The following TTC29 variants were observed in gnomAD, a reference collection of about 807,000 sequenced individuals.
The protein encoded by TTC29 is tetratricopeptide repeat domain 29.
TTC29 carries 49 observed loss-of-function variants against 58.1 expected under a neutral mutation model. The ratio of observed to expected loss-of-function variants is 0.84; its 90% CI spans 0.67 to 1.07. The LOEUF (loss-of-function observed/expected upper bound fraction) is 1.07. Ranked by LOEUF, TTC29 falls within the 50% of genes least tolerant of loss-of-function variation. The probability of loss-of-function intolerance (pLI) is 0.00; values close to 1 mark genes in which losing one functional copy is unlikely to be tolerated. For synonymous variants in TTC29, 209 were observed against 196.8 expected (o/e 1.06, Z -0.52); for missense variants, 582 against 555.6 (o/e 1.05, Z -0.48).
At chr4:146,830,351 A>T (rs1297655278) in intron 9 of TTC29, among the ~76,000 whole-genome samples, 2 of 152,168 alleles carry the variant, frequency 1.3e-5, no homozygotes, top group Non-Finnish European at 2.9e-5. Context: ...CTGTATTACC[A>T]AATCCTCAGT....
intron 11 of TTC29, among the ~76,000 whole-genome samples, chr4:146,739,059 A>G (rs1390806438): frequency 2.0e-5 from 3 of 152,246 alleles, no homozygotes. Context: ...AAATTTGTTT[A>G]GAAAATATAA....
chr4:146,815,066 T>TG (rs1355675583), intron 10 of TTC29, among the ~76,000 whole-genome samples: 1 of 152,114 alleles, frequency 6.6e-6, no homozygotes, highest in East Asian at 1.9e-4. Flanking sequence ...CTCAGAAGAA[T>TG]GAGAAGTAAT....
At chr4:146,715,829 G>T (rs530167709) in intron 11 of TTC29, among the ~76,000 whole-genome samples, 29 of 152,206 alleles carry the variant, frequency 1.9e-4, no homozygotes, top group Admixed American at 3.9e-4. Context: ...TAATTACCCT[G>T]ATTTGATCAT....
rs973455790 is a variant in TTC29 at position 146,932,073 on chromosome 4, G to A, written c.176+5521C>T. ...TGGCAAAACGATCTTTTCATTCCTGGTTTCACATCCTAGAGATCTGATCTC... is the reference window on the plus strand; with the variant it reads ...TGGCAAAACGATCTTTTCATTCCTGATTTCACATCCTAGAGATCTGATCTC... On this transcript the variant is annotated intron_variant, in intron 4 of 12. Transcript: ENST00000325106. 1.1e-4 allele frequency among the ~76,000 whole-genome samples: 16 copies of A among 150,166 alleles called. No homozygotes were observed. In the East Asian group the frequency reaches 1.4e-3, roughly 13 times the overall value.
chr4:146,830,714 T>C (rs1227787472), intron 9 of TTC29, among the ~76,000 whole-genome samples: 1 of 152,164 alleles, frequency 6.6e-6, no homozygotes, highest in Non-Finnish European at 1.5e-5. Flanking sequence ...GCTACTAACC[T>C]GAGAAGGACA....
intron 8 of TTC29, among the ~76,000 whole-genome samples, chr4:146,853,971 T>A (rs1446648433): frequency 6.6e-6 from 1 of 152,008 alleles, no homozygotes; most frequent in Non-Finnish European, 1.5e-5. Context: ...AATTTTAGTG[T>A]CCCTGGAAGC....
intron 11 of TTC29, among the ~76,000 whole-genome samples, chr4:146,752,350 T>C (rs1333735087): frequency 4.5e-4 from 20 of 43,986 alleles, no homozygotes; most frequent in Admixed American, 9.6e-4. Context: ...ACAAGGGATG[T>C]GAAGGACCTC....
intron 11 of TTC29, among the ~76,000 whole-genome samples, chr4:146,726,682 C>T (rs1049643208): frequency 6.6e-6 from 1 of 152,144 alleles, no homozygotes; most frequent in Non-Finnish European, 1.5e-5. Flanking sequence ...TTACTGATGA[C>T]TTTATGAAGC....
At chr4:146,943,395 G>A (rs901604796) in intron 2 of TTC29, among the ~76,000 whole-genome samples, 1 of 151,350 alleles carries the variant, frequency 6.6e-6, no homozygotes, top group Non-Finnish European at 1.5e-5. Context: ...GAATGATAAA[G>A]TGGAAAAAAA....
intron 11 of TTC29, among the ~76,000 whole-genome samples, chr4:146,736,873 G>A (rs758459534): frequency 1.2e-4 from 19 of 152,136 alleles, no homozygotes; most frequent in Non-Finnish European, 2.8e-4. Flanking sequence ...TCACAAGCAG[G>A]GAGCCTCTGG....
rs764105160 is a variant in TTC29, at chr4:146,903,636, C to T, written c.494G>A (p.Arg165Gln). ...DKWVRNHFYERCFKIAQLIKI... is the reference protein window; with the variant it reads ...DKWVRNHFYEQCFKIAQLIKI... ...GATCAGCTGAGCAATCTTAAAACAT[C>T]GTTCATAGAAGTGGTTCCTTACCCA... is the stretch of plus-strand genomic sequence containing the variant. Residue 165 changes from arginine to glutamine, a missense_variant, in exon 6 of 13, where the codon CGA (arginine) becomes CAA (glutamine). Physicochemically the swap from Arg to Gln is conservative, Grantham distance 43. Transcript: ENST00000325106. The T allele has an allele frequency of 6.2e-6, 10 of 1,612,818 alleles. No individual in the cohort carries two copies. Among genetic ancestry groups the T allele is most frequent in the Admixed American group, 3.3e-5 (2 of 59,870 alleles).
intron 8 of TTC29, among the ~76,000 whole-genome samples, chr4:146,865,622 A>G (rs942498806): frequency 6.6e-6 from 1 of 152,178 alleles, no homozygotes; most frequent in African/African-American, 2.4e-5. Context: ...ACATACTCAG[A>G]TAACAAATCT....
intron 11 of TTC29, among the ~76,000 whole-genome samples, chr4:146,785,880 T>C (rs907484213): frequency 7.9e-5 from 12 of 152,196 alleles, no homozygotes; most frequent in Admixed American, 3.9e-4. Flanking sequence ...TTTGAACAGT[T>C]AACTAAAGGT....
At chr4:146,859,701 C>T (rs564225288) in intron 8 of TTC29, among the ~76,000 whole-genome samples, 12 of 151,946 alleles carry the variant, frequency 7.9e-5, no homozygotes, top group Non-Finnish European at 1.5e-4. Flanking sequence ...GGAGTGATAA[C>T]CACATAGAAG....
intron 8 of TTC29, among the ~76,000 whole-genome samples, chr4:146,858,353 A>G (rs113783187): frequency 1.3e-3 from 197 of 152,334 alleles, no homozygotes; most frequent in Middle Eastern, 3.4e-3. Context: ...AACATTGTAC[A>G]TCCAAACCTA....
rs376515183 is a variant in TTC29, at chr4:146,814,384, C to T, written c.1101+5741G>A. ...ATCCTTTGAGTCCAGGAGTTCAAGA[C>T]CAGCCTGAGCAACACGACAAAACCC... is the stretch of plus-strand genomic sequence containing the variant. On this transcript the variant is annotated intron_variant, in intron 10 of 12. Coordinates refer to ENST00000325106, the MANE Select transcript of TTC29 (RefSeq NM_031956.4). Among the ~76,000 whole-genome samples, 26 of 149,764 alleles carry T rather than the reference C, an allele frequency of 1.7e-4. No homozygotes were observed. In the Middle Eastern group the frequency reaches 0.01, roughly 59 times the overall value.
At position 146,874,840 on chromosome 4, in the gene TTC29, G is replaced by A. The variant is rs775024866; in HGVS notation, c.675C>T (p.Leu225=). The A allele has an allele frequency of 1.2e-6, 2 of 1,613,358 alleles. No homozygotes were observed. Among genetic ancestry groups the A allele is most frequent in the South Asian group, 1.1e-5 (1 of 91,042 alleles). Reference sequence around the variant, plus strand: ...GGAGACTCTCACAGGCCAACAAGTTGAGAGAGCGGCCTGTCTCATCCTTCC... The same window carrying A: ...GGAGACTCTCACAGGCCAACAAGTTAAGAGAGCGGCCTGTCTCATCCTTCC... ...RIWKDETGRS[L]NLLACESLLR... The change falls in exon 7 of 13, where the codon CTC becomes CTT. Residue 225 remains leucine (L), a synonymous_variant. Coordinates refer to ENST00000325106, the MANE Select transcript of TTC29 (RefSeq NM_031956.4).
intron 11 of TTC29, among the ~76,000 whole-genome samples, chr4:146,738,017 T>C (rs775684361): frequency 6.6e-6 from 1 of 152,128 alleles, no homozygotes; most frequent in African/African-American, 2.4e-5. Context: ...GGGTTAAGAA[T>C]AAATACAACT....
At chr4:146,762,930 G>T (rs991479677) in intron 11 of TTC29, among the ~76,000 whole-genome samples, 12 of 151,960 alleles carry the variant, frequency 7.9e-5, no homozygotes, top group African/African-American at 2.7e-4. Context: ...AGCTGCAATT[G>T]TTTAGCTAAC....
Sources: allele counts gnomAD v4.1 joint callset (sites outside exome capture counted in the v4.1 genomes callset), GRCh38; gene constraint gnomAD v4.1.1; transcripts MANE v1.5; gene names NCBI Gene and HGNC (gene_info 2026-07-23, HGNC 2026-07-21).